The following XKR4 variants were observed in gnomAD, a reference collection of about 807,000 sequenced individuals.
XKR4 encodes the protein XK related 4.
In XKR4, 12 loss-of-function variants were observed where a neutral mutation model predicts 53.9. The observed-to-expected ratio is 0.22, with a 90% CI of 0.14 to 0.36. The LOEUF (loss-of-function observed/expected upper bound fraction) is 0.36. Among genes scored for constraint, XKR4 ranks in the 10% least tolerant of loss-of-function variants. The pLI is 1.00. For synonymous variants in XKR4, 354 were observed against 362.4 expected, an observed-to-expected ratio of 0.98 and a Z score of 0.26; for missense variants, 799 against 859.5, an observed-to-expected ratio of 0.93 and a Z score of 0.88.
chr8:55,372,109 T>A (rs1225839171), intron 2 of XKR4, among the ~76,000 whole-genome samples: 5 of 152,180 alleles, frequency 3.3e-5, no homozygotes, highest in Admixed American at 3.3e-4. Context: ...GTGCTATGGC[T>A]ATGGGAAGAG....
intron 1 of XKR4, among the ~76,000 whole-genome samples, chr8:55,335,515 TCA>T (rs1439160954): frequency 2.0e-5 from 3 of 152,208 alleles, no homozygotes; most frequent in African/African-American, 7.2e-5. Flanking sequence ...GCCAATAATG[TCA>T]ATGTCTTAGA....
chr8:55,446,690 C>T (rs948805386), intron 2 of XKR4, among the ~76,000 whole-genome samples: 9 of 152,144 alleles, frequency 5.9e-5, no homozygotes, highest in South Asian at 2.1e-4. Flanking sequence ...AGTTCCATTG[C>T]GACCAGCTTG....
rs1306900217 is a variant in XKR4 at position 55,102,596 on chromosome 8, A to G, written c.108A>G (p.Pro36=). The part of the protein sequence containing the change: ...DHSGSVQGLA[P]GLPSGSGAED... ...CGGGCTCGGTGCAGGGATTGGCTCCAGGCTTGCCGTCGGGGTCGGGAGCCG... is the reference window on the plus strand; with the variant it reads ...CGGGCTCGGTGCAGGGATTGGCTCCGGGCTTGCCGTCGGGGTCGGGAGCCG... Residue 36 remains proline, a synonymous_variant, in exon 1 of 3, where the codon CCA becomes CCG. Coordinates refer to ENST00000327381, the MANE Select transcript of XKR4 (RefSeq NM_052898.2). The surrounding 1 kb of genome is among the most constrained non-coding windows in gnomAD (Gnocchi z 5.1). The G allele has an allele frequency of 1.4e-6, 2 of 1,479,706 alleles. No individual in the cohort carries two copies. Among genetic ancestry groups the G allele is most frequent in the African/African-American group, 1.4e-5 (1 of 69,216 alleles). 91.7% of individuals were successfully genotyped at this position (1,479,706 alleles called of 1,614,324 possible). A position where few individuals can be genotyped will look rare whatever the true frequency, so the allele number is the denominator to read the frequency against.
At chr8:55,177,902 C>T (rs1312754654) in intron 1 of XKR4, among the ~76,000 whole-genome samples, 1 of 152,120 alleles carries the variant, frequency 6.6e-6, no homozygotes, top group Non-Finnish European at 1.5e-5. Context: ...TGCCACTGGC[C>T]AGAGCTGTGT....
intron 1 of XKR4, among the ~76,000 whole-genome samples, chr8:55,165,526 C>G (rs76607380): frequency 0.012 from 1,837 of 152,218 alleles, 19 homozygotes; most frequent in Non-Finnish European, 0.016. Context: ...ATCCACAAAA[C>G]TCTCACTAAA....
intron 1 of XKR4, among the ~76,000 whole-genome samples, chr8:55,209,255 C>T (rs1390864511): frequency 2.0e-5 from 3 of 150,112 alleles, no homozygotes; most frequent in Admixed American, 6.7e-5. Flanking sequence ...GCTCAGCCCC[C>T]ACTTGCTAGA....
Position 55,407,330 on chromosome 8 carries a change from G to A in XKR4, c.1006+49453G>A, listed in dbSNP as rs76756479. ...TTCGCACTGCTTCCCAGGAATCACC[G>A]CCCCATGGAGGGAGGAGAAGGAACT... is the stretch of plus-strand genomic sequence containing the variant. On this transcript the variant is annotated intron_variant, in intron 2 of 2. Transcript: ENST00000327381. 1.6e-4 allele frequency among the ~76,000 whole-genome samples: 25 copies of A among 152,318 alleles called. No individual in the cohort carries two copies. In the East Asian group the frequency reaches 4.6e-3, roughly 28 times the overall value.
intron 1 of XKR4, among the ~76,000 whole-genome samples, chr8:55,234,377 A>G (rs941826563): frequency 6.6e-6 from 1 of 152,168 alleles, no homozygotes; most frequent in Non-Finnish European, 1.5e-5. Flanking sequence ...AATAAACTTG[A>G]ATTTTGAACT....
intron 1 of XKR4, among the ~76,000 whole-genome samples, chr8:55,271,279 T>C (rs2129372567): frequency 6.6e-6 from 1 of 152,230 alleles, no homozygotes; most frequent in East Asian, 1.9e-4. Flanking sequence ...TTAAAGTGAA[T>C]CATTAATTAA....
At chr8:55,158,361 T>C (rs927919705) in intron 1 of XKR4, among the ~76,000 whole-genome samples, 4 of 152,156 alleles carry the variant, frequency 2.6e-5, no homozygotes, top group Non-Finnish European at 5.9e-5. Flanking sequence ...TTTTTTGCTT[T>C]TTGATTAGTT....
chr8:55,519,181 A>G (rs1342193389), intron 2 of XKR4, among the ~76,000 whole-genome samples: 1 of 152,224 alleles, frequency 6.6e-6, no homozygotes, highest in Admixed American at 6.5e-5. Flanking sequence ...GTAAGCTCTA[A>G]GGTCTTATCA....
In XKR4 at chr8:55,103,231, G is replaced by T. The variant is rs73596944; in HGVS notation, c.743G>T (p.Cys248Phe). Residue 248 changes from cysteine (C) to phenylalanine (F), a missense_variant, in exon 1 of 3, where the codon TGC becomes TTC. Around this residue, in one of 3 missense-constraint regions of XKR4, gnomAD observed 476 missense variants for 505.4 expected, o/e 0.94. Transcript: ENST00000327381. ...AGTGGCAAGCACAGGTCTGCGTCCT[G>T]CTCCTTCTGCATCTGGCTCCTGCAG... Reference protein sequence around the residue: ...RASGKHRSASCSFCIWLLQSL... With the variant: ...RASGKHRSASFSFCIWLLQSL... 2 of 1,613,958 alleles carry T rather than the reference G, an allele frequency of 1.2e-6. No individual in the cohort carries two copies. The highest frequency in any genetic ancestry group is 2.7e-5 in the African/African-American group (2 of 75,050).
intron 1 of XKR4, among the ~76,000 whole-genome samples, chr8:55,189,394 A>G (rs1817416393): frequency 6.6e-6 from 1 of 152,306 alleles, no homozygotes; most frequent in African/African-American, 2.4e-5. Flanking sequence ...ACATTCTGAG[A>G]AATGCATCGG....
chr8:55,282,227 G>A (rs1306172671), intron 1 of XKR4, among the ~76,000 whole-genome samples: 1 of 152,182 alleles, frequency 6.6e-6, no homozygotes, highest in Non-Finnish European at 1.5e-5. Context: ...CAGTCCCATA[G>A]CTTATAATGG....
At chr8:55,296,308 A>C (rs1819100530) in intron 1 of XKR4, among the ~76,000 whole-genome samples, 1 of 152,174 alleles carries the variant, frequency 6.6e-6, no homozygotes, top group African/African-American at 2.4e-5. Context: ...AGCCACCCTC[A>C]GCTACTGCTA....
intron 1 of XKR4, among the ~76,000 whole-genome samples, chr8:55,175,026 G>T (rs1439291304): frequency 6.6e-6 from 1 of 152,184 alleles, no homozygotes; most frequent in Non-Finnish European, 1.5e-5. Flanking sequence ...GTAGATTTCA[G>T]AATTTTACAC....
At chr8:55,361,764 C>T (rs1293149464) in intron 2 of XKR4, among the ~76,000 whole-genome samples, 2 of 152,132 alleles carry the variant, frequency 1.3e-5, no homozygotes, top group Admixed American at 6.5e-5. Flanking sequence ...AACCACGCTG[C>T]GCTCCTCTCT....
At chr8:55,489,355 A>T (rs887206847) in intron 2 of XKR4, among the ~76,000 whole-genome samples, 1 of 152,212 alleles carries the variant, frequency 6.6e-6, no homozygotes, top group Admixed American at 6.5e-5. Context: ...CTTAATAGTA[A>T]CCATGTTACC....
chr8:55,514,600 G>C (rs1233748382), intron 2 of XKR4, among the ~76,000 whole-genome samples: 1 of 152,106 alleles, frequency 6.6e-6, no homozygotes, highest in Admixed American at 6.6e-5. Flanking sequence ...AAGGGACACA[G>C]CTTGTCTTCC....
Sources: gnomAD v4.1 joint callset for allele counts (sites outside exome capture counted in the v4.1 genomes callset) on GRCh38, gnomAD v4.1.1 for gene constraint, gnomAD v4.1.1 regional missense constraint, Gnocchi (gnomAD v3.1) non-coding constraint, MANE v1.5 for transcripts, NCBI Gene and HGNC (gene_info 2026-07-23, HGNC 2026-07-21) for gene names.